The following CPAP variants were observed in gnomAD, a reference collection of about 807,000 sequenced individuals.
CPAP encodes the protein centrosome assembly and centriole elongation protein.
chr13:24,882,969 T>A, the CPAP span: 1 of 575,042 alleles, frequency 1.7e-6, no homozygotes, highest in East Asian at 3.0e-5. Flanking sequence ...TTCCTTAGTC[T>A]ATTGAAAGAC....
At chr13:24,924,380 T>G in the CPAP span, among the ~76,000 whole-genome samples, 1 of 152,178 alleles carries the variant, frequency 6.6e-6, no homozygotes, top group Non-Finnish European at 1.5e-5. Flanking sequence ...TTTAATATAG[T>G]ATGTAGTGCC....
the CPAP span, chr13:24,889,348 TC>T: frequency 1.9e-6 from 3 of 1,612,402 alleles, no homozygotes; most frequent in Non-Finnish European, 1.7e-6. Context: ...CTTGTATTTT[TC>T]TACCTGGGTT....
At chr13:24,897,248 A>G in the CPAP span, among the ~76,000 whole-genome samples, 3 of 152,214 alleles carry the variant, frequency 2.0e-5, no homozygotes, top group South Asian at 6.2e-4. Flanking sequence ...AATAAAAATA[A>G]AAAACTGAAC....
At chr13:24,933,147 T>C in the CPAP span, 7 of 1,531,766 alleles carry the variant, frequency 4.6e-6, no homozygotes, top group African/African-American at 1.4e-5. Flanking sequence ...TATTTCCAAA[T>C]GTCATAAACT....
At chr13:24,906,055 C>A in the CPAP span, 2 of 1,613,908 alleles carry the variant, frequency 1.2e-6, no homozygotes, top group East Asian at 4.5e-5. Context: ...CAGCTGAGGA[C>A]AATGAATGAA....
At chr13:24,884,282 A>C in the CPAP span, 3 of 1,614,122 alleles carry the variant, frequency 1.9e-6, no homozygotes, top group African/African-American at 1.3e-5. Flanking sequence ...TTTTCTCCAG[A>C]GATGGTTAAA....
chr13:24,895,296 C>T, the CPAP span, among the ~76,000 whole-genome samples: 11 of 152,254 alleles, frequency 7.2e-5, no homozygotes, highest in Non-Finnish European at 1.6e-4. Flanking sequence ...AAAGCCAAGG[C>T]CGGGTGTGGT....
the CPAP span, among the ~76,000 whole-genome samples, chr13:24,892,015 GTCTCGTCACCA>G: frequency 5.3e-5 from 8 of 152,262 alleles, no homozygotes; most frequent in East Asian, 1.2e-3. Context: ...TTCTCCGAAG[GTCTCGTCACCA>G]TCTCACACAC....
chr13:24,926,697 A>G, the CPAP span, among the ~76,000 whole-genome samples: 1 of 152,172 alleles, frequency 6.6e-6, no homozygotes, highest in Non-Finnish European at 1.5e-5. Flanking sequence ...CAAGGGATAC[A>G]CTACAGTTAC....
At chr13:24,885,927 A>T in the CPAP span, 1 of 498,694 alleles carries the variant, frequency 2.0e-6, no homozygotes, top group Non-Finnish European at 3.6e-6. Context: ...AGCCTGACAG[A>T]CCCAAATGTA....
the CPAP span, among the ~76,000 whole-genome samples, chr13:24,902,219 C>T: frequency 2.3e-5 from 3 of 131,564 alleles, no homozygotes; most frequent in African/African-American, 5.9e-5. Context: ...AAAGCAAAAC[C>T]GAAATAGGGA....
chr13:24,916,917 A>G, the CPAP span, among the ~76,000 whole-genome samples: 1 of 152,206 alleles, frequency 6.6e-6, no homozygotes, highest in Non-Finnish European at 1.5e-5. Flanking sequence ...TACAAAGACC[A>G]AGTGCACAGT....
chr13:24,885,658 C>T, the CPAP span: 4 of 1,612,124 alleles, frequency 2.5e-6, no homozygotes, highest in East Asian at 2.2e-5. Context: ...CTTGGATCTT[C>T]GAGGTGGATT....
chr13:24,889,692 C>T, the CPAP span, among the ~76,000 whole-genome samples: 1 of 152,186 alleles, frequency 6.6e-6, no homozygotes, highest in Non-Finnish European at 1.5e-5. Context: ...GAGGAGCACA[C>T]AGGCCCTTCA....
the CPAP span, chr13:24,909,978 G>A: frequency 1.2e-6 from 2 of 1,614,142 alleles, no homozygotes; most frequent in Non-Finnish European, 1.7e-6. Context: ...TTCCTGGGTT[G>A]GGTCCGGGTA....
the CPAP span, among the ~76,000 whole-genome samples, chr13:24,884,695 T>C: frequency 6.6e-6 from 1 of 152,210 alleles, no homozygotes; most frequent in Non-Finnish European, 1.5e-5. Flanking sequence ...TTATCAACAA[T>C]TTGTTACCCT....
chr13:24,922,487 G>A, the CPAP span, among the ~76,000 whole-genome samples: 1 of 152,230 alleles, frequency 6.6e-6, no homozygotes, highest in Non-Finnish European at 1.5e-5. Flanking sequence ...AGGAACTCAA[G>A]TTCCGCCACA....
the CPAP span, chr13:24,885,423 C>T: frequency 7.0e-7 from 1 of 1,428,322 alleles, no homozygotes; most frequent in Non-Finnish European, 9.9e-7. Context: ...CTAAAACCTA[C>T]TCTTACTTCC....
At chr13:24,885,454 G>A in the CPAP span, 5 of 1,242,084 alleles carry the variant, frequency 4.0e-6, no homozygotes, top group Non-Finnish European at 5.9e-6. Flanking sequence ...TCTGATATAG[G>A]GTTCTAGGAC....
Sources: gnomAD v4.1 joint callset for allele counts (sites outside exome capture counted in the v4.1 genomes callset) on GRCh38, gnomAD v4.1.1 for gene constraint, MANE v1.5 for transcripts, NCBI Gene and HGNC (gene_info 2026-07-23, HGNC 2026-07-21) for gene names.